The following CCDC30 variants were observed in gnomAD, a reference collection of about 807,000 sequenced individuals.
The protein encoded by CCDC30 is coiled-coil domain-containing protein 30.
In CCDC30, 70 loss-of-function variants were observed where a neutral mutation model predicts 100.2. The observed-to-expected ratio is 0.70, with a 90% confidence interval of 0.58 to 0.85. CCDC30 has a LOEUF of 0.85. Among genes scored for constraint, CCDC30 ranks in the 40% least tolerant of loss-of-function variants. CCDC30 has a pLI of 0.00. For missense variants in CCDC30, 652 were observed against 771.2 expected, an observed-to-expected ratio of 0.85 and a Z score of 1.83; for synonymous variants, 233 against 269.5, an observed-to-expected ratio of 0.86 and a Z score of 1.33.
At chr1:42,512,347 G>A (rs1217354377) in intron 6 of CCDC30, among the ~76,000 whole-genome samples, 1 of 152,088 alleles carries the variant, frequency 6.6e-6, no homozygotes, top group Non-Finnish European at 1.5e-5. Context: ...ATTCCCAACA[G>A]ACCTGGAAAT....
upstream of CCDC30, chr1:42,460,215 A>G (rs1422911201): frequency 1.8e-6 from 2 of 1,099,630 alleles, no homozygotes; most frequent in Non-Finnish European, 2.2e-6. Flanking sequence ...AGCCATCTTT[A>G]TACTATAGAA....
At chr1:42,615,164 G>A (rs1646701370) in intron 11 of CCDC30, among the ~76,000 whole-genome samples, 1 of 152,214 alleles carries the variant, frequency 6.6e-6, no homozygotes, top group South Asian at 2.1e-4. Flanking sequence ...ATAGGTCAAA[G>A]AGTCCAGGGT....
At chr1:42,568,591 A>G (rs1164028252) in intron 7 of CCDC30, among the ~76,000 whole-genome samples, 1 of 152,048 alleles carries the variant, frequency 6.6e-6, no homozygotes, top group Non-Finnish European at 1.5e-5. Flanking sequence ...AATTTGGGTC[A>G]TTTTGGAACC....
chr1:42,580,324 A>G (rs1424316093), intron 8 of CCDC30, among the ~76,000 whole-genome samples: 1 of 152,230 alleles, frequency 6.6e-6, no homozygotes, highest in African/African-American at 2.4e-5. Flanking sequence ...TGGGCTATGC[A>G]GAGACCTAGG....
intron 1 of CCDC30, among the ~76,000 whole-genome samples, chr1:42,475,570 G>C (rs1244049499): frequency 2.6e-5 from 4 of 152,092 alleles, no homozygotes; most frequent in African/African-American, 9.7e-5. Flanking sequence ...GAAAATTTGA[G>C]AAATGTATGC....
In CCDC30 at chr1:42,523,885, A is replaced by AT. The variant is rs533220351; in HGVS notation, c.456+24975dup. 6.5e-3 allele frequency among the ~76,000 whole-genome samples: 983 copies of AT among 152,000 alleles called. 5 individuals carry two copies. Among genetic ancestry groups the AT allele is most frequent in the Middle Eastern group, 0.02 (6 of 294 alleles). On this transcript the variant is annotated intron_variant, in intron 6 of 16. Coordinates refer to ENST00000668663, the Ensembl canonical transcript of CCDC30. ...ATTTGCCTTTGAATCCCTATAGTGA[A>AT]TTTTTTATTTCAGTTGTTGTACTTT... is the stretch of plus-strand genomic sequence containing the variant.
chr1:42,509,864 G>A (rs1386890191), intron 6 of CCDC30, among the ~76,000 whole-genome samples: 5 of 151,840 alleles, frequency 3.3e-5, no homozygotes, highest in African/African-American at 9.7e-5. Flanking sequence ...GAAGCCAAAA[G>A]CCCACTGGTT....
At chr1:42,501,272 G>A (rs4350239) in intron 6 of CCDC30, among the ~76,000 whole-genome samples, 34,711 of 152,138 alleles carry the variant, frequency 0.23, 4,971 homozygotes, top group Non-Finnish European at 0.31. Flanking sequence ...GAAAGATTTG[G>A]TAAAAAGAGT....
intron 6 of CCDC30, chr1:42,533,908 C>T (rs1644848788): frequency 6.6e-6 from 1 of 152,146 alleles, no homozygotes; most frequent in Non-Finnish European, 1.5e-5. Context: ...TGGTGGCTAC[C>T]CATGCTAAGT....
At chr1:42,510,301 A>G (rs1375346713) in intron 6 of CCDC30, among the ~76,000 whole-genome samples, 1 of 152,146 alleles carries the variant, frequency 6.6e-6, no homozygotes, top group African/African-American at 2.4e-5. Context: ...CTGGTTTTCA[A>G]CCTTGGTTAG....
intron 11 of CCDC30, among the ~76,000 whole-genome samples, chr1:42,625,317 AC>A (rs1314272999): frequency 6.9e-6 from 1 of 144,172 alleles, no homozygotes; most frequent in Non-Finnish European, 1.6e-5. Context: ...TTTCAAAAAA[AC>A]AACTTTTTGT....
At chr1:42,634,259 A>C (rs75858858) in intron 11 of CCDC30, among the ~76,000 whole-genome samples, 4 of 121,764 alleles carry the variant, frequency 3.3e-5, no homozygotes, top group African/African-American at 1.1e-4. Context: ...CAAAAAAAAA[A>C]AAAAAAAAAA....
intron 11 of CCDC30, among the ~76,000 whole-genome samples, chr1:42,635,752 GAGCCAAGATCGCACC>G (rs2148675599): frequency 6.6e-6 from 1 of 150,620 alleles, no homozygotes; most frequent in East Asian, 2.0e-4. Flanking sequence ...TGCTTGCAGT[GAGCCAAGATCGCACC>G]ACTGCACTCC....
intron 11 of CCDC30, among the ~76,000 whole-genome samples, chr1:42,628,569 A>AG (rs1269613214): frequency 1.3e-5 from 2 of 152,140 alleles, no homozygotes; most frequent in African/African-American, 4.8e-5. Flanking sequence ...CAAGGGACCC[A>AG]GGGGGAGGTA....
chr1:42,585,507 AT>A (rs1409732135), intron 9 of CCDC30, among the ~76,000 whole-genome samples: 1 of 151,648 alleles, frequency 6.6e-6, no homozygotes, highest in African/African-American at 2.4e-5. Context: ...GATTTCATTG[AT>A]TTTTCTCTAT....
At chr1:42,493,923 C>A (rs1644186840) in intron 4 of CCDC30, among the ~76,000 whole-genome samples, 1 of 151,948 alleles carries the variant, frequency 6.6e-6, no homozygotes, top group African/African-American at 2.4e-5. Context: ...AGTTAAAAAC[C>A]TTCCCATGGG....
chr1:42,556,468 C>T, intron 6 of CCDC30, 63 bp downstream of exon 10: 1 of 1,488,056 alleles, frequency 6.7e-7, no homozygotes, highest in African/African-American at 1.4e-5. Context: ...TGGATATAAG[C>T]ATCATTTTAA....
chr1:42,537,615 CAA>C (rs1416993150), intron 6 of CCDC30: 3 of 267,674 alleles, frequency 1.1e-5, no homozygotes, highest in Non-Finnish European at 2.2e-5. Flanking sequence ...ACTCTCAACC[CAA>C]AGTCTTCCAC....
intron 7 of CCDC30, among the ~76,000 whole-genome samples, chr1:42,570,057 G>A (rs909245747): frequency 3.9e-5 from 6 of 152,246 alleles, no homozygotes; most frequent in East Asian, 1.9e-4. Context: ...GCAAACTACC[G>A]TGGCACATGT....
Sources: gnomAD v4.1 joint callset for allele counts (sites outside exome capture counted in the v4.1 genomes callset) on GRCh38, gnomAD v4.1.1 for gene constraint, MANE v1.5 for transcripts, NCBI Gene and HGNC (gene_info 2026-07-23, HGNC 2026-07-21) for gene names.